The following SFXN1 variants were observed in gnomAD, a reference collection of about 807,000 sequenced individuals.
SFXN1 encodes sideroflexin-1.
Under a neutral mutation model 39.5 loss-of-function variants are expected in SFXN1, and 32 were observed. The observed-to-expected ratio is 0.81, with a 90% confidence interval of 0.61 to 1.09. SFXN1 has a LOEUF of 1.09. Ranked by LOEUF, SFXN1 falls within the 50% of genes least tolerant of loss-of-function variation. The pLI is 0.00. For synonymous variants in SFXN1, 136 were observed against 146.5 expected, an observed-to-expected ratio of 0.93 and a Z score of 0.52; for missense variants, 402 against 407.1, an observed-to-expected ratio of 0.99 and a Z score of 0.11.
intron 1 of SFXN1, among the ~76,000 whole-genome samples, chr5:175,485,455 A>G (rs1311691325): frequency 2.0e-5 from 3 of 151,972 alleles, no homozygotes; most frequent in African/African-American, 7.3e-5. Flanking sequence ...TTGTTCCCAC[A>G]TCTGTTTCTC....
intron 10 of SFXN1, chr5:175,524,192 T>C (rs1760990885): frequency 6.9e-6 from 1 of 145,066 alleles, no homozygotes; most frequent in Non-Finnish European, 1.5e-5. Context: ...TTACATCTTA[T>C]AGGCTCCTCC....
intron 1 of SFXN1, among the ~76,000 whole-genome samples, chr5:175,484,516 A>G (rs34427898): frequency 0.086 from 13,087 of 152,260 alleles, 1,025 homozygotes; most frequent in African/African-American, 0.21. Flanking sequence ...CTGCGGACCA[A>G]CCAAGTGGCC....
chr5:175,487,441 G>A (rs1356506492), intron 1 of SFXN1, among the ~76,000 whole-genome samples: 2 of 152,110 alleles, frequency 1.3e-5, no homozygotes, highest in African/African-American at 2.4e-5. Context: ...AAATGGAAGT[G>A]ACCGGCTACC....
At chr5:175,516,507 G>T in intron 7 of SFXN1, 107 bp from the exon 8 acceptor site, 1 of 915,520 alleles carries the variant, frequency 1.1e-6, no homozygotes, top group South Asian at 1.6e-5. Context: ...TGTGACAGTG[G>T]AAATAGCCTA....
At chr5:175,509,748 G>T (rs915408344) in intron 3 of SFXN1, among the ~76,000 whole-genome samples, 1 of 152,162 alleles carries the variant, frequency 6.6e-6, no homozygotes, top group African/African-American at 2.4e-5. Context: ...ATATAGCATT[G>T]CAAGTGCTGT....
At chr5:175,503,121 G>C (rs1393788525) in intron 2 of SFXN1, among the ~76,000 whole-genome samples, 1 of 152,096 alleles carries the variant, frequency 6.6e-6, no homozygotes, top group Non-Finnish European at 1.5e-5. Context: ...TTGGAGACAT[G>C]GAAATATCCT....
At chr5:175,493,122 G>A (rs6859035) in intron 2 of SFXN1, among the ~76,000 whole-genome samples, 3,590 of 152,026 alleles carry the variant, frequency 0.024, 146 homozygotes, top group African/African-American at 0.082. Flanking sequence ...GCATGGTGGC[G>A]GGCGCCTGTA....
At chr5:175,508,799 G>T (rs888686130) in intron 2 of SFXN1, among the ~76,000 whole-genome samples, 1 of 151,680 alleles carries the variant, frequency 6.6e-6, no homozygotes, top group Non-Finnish European at 1.5e-5. Flanking sequence ...CACCGCACCC[G>T]GCTAATTTTT....
Position 175,524,118 on chromosome 5 carries a change from AAAAAAAAATATATATATATATATATAT to A in SFXN1, c.872+1698_872+1724del, listed in dbSNP as rs1187690907. The A allele has an allele frequency of 5.0e-4, 33 of 66,584 alleles. 1 individual carries two copies. Among genetic ancestry groups the A allele is most frequent in the South Asian group, 3.1e-3 (5 of 1,638 alleles). The allele number at this position is 66,584 out of a possible 1,614,324, so 4.1% of individuals were successfully genotyped here. ...GATTCTGTCTCAAAAAAAAAAAAAA[AAAAAAAAATATATATATATATATATAT>A]ATATATATATATATATATATATATA... On this transcript the variant is annotated intron_variant, in intron 10 of 10. Coordinates refer to ENST00000321442, the MANE Select transcript of SFXN1 (RefSeq NM_022754.7).
intron 1 of SFXN1, among the ~76,000 whole-genome samples, chr5:175,488,535 G>A (rs1759536214): frequency 6.6e-6 from 1 of 152,094 alleles, no homozygotes; most frequent in Non-Finnish European, 1.5e-5. Flanking sequence ...CTGACCTCAG[G>A]TGATCCGCCC....
At chr5:175,485,287 CT>C (rs1759408890) in intron 1 of SFXN1, among the ~76,000 whole-genome samples, 1 of 152,210 alleles carries the variant, frequency 6.6e-6, no homozygotes, top group Admixed American at 6.5e-5. Context: ...ATTTGAGTAG[CT>C]TAAAGCAACA....
chr5:175,500,187 CA>C (rs577317552), intron 2 of SFXN1, among the ~76,000 whole-genome samples: 48 of 150,098 alleles, frequency 3.2e-4, no homozygotes, highest in Non-Finnish European at 5.0e-4. Flanking sequence ...AACTCTGTCT[CA>C]AAAAAAAGAA....
At chr5:175,524,095 T>G (rs894886721) in intron 10 of SFXN1, 1 of 106,424 alleles carries the variant, frequency 9.4e-6, no homozygotes, top group Non-Finnish European at 1.8e-5. Flanking sequence ...CAGTGCGAGA[T>G]TCTGTCTCAA....
chr5:175,491,738 C>T (rs1561655727), intron 1 of SFXN1: 2 of 159,932 alleles, frequency 1.3e-5, no homozygotes, highest in Non-Finnish European at 1.4e-5. Context: ...CTTCCCTCCT[C>T]GACCTCCCAA....
intron 6 of SFXN1, among the ~76,000 whole-genome samples, chr5:175,512,945 A>T (rs1581314104): frequency 6.6e-6 from 1 of 152,276 alleles, no homozygotes; most frequent in Non-Finnish European, 1.5e-5. Context: ...TTAAAAGTTT[A>T]CTAGTGTTGT....
intron 10 of SFXN1, 43 bp from the exon 11 acceptor site, chr5:175,526,594 AC>A: frequency 1.3e-6 from 2 of 1,525,798 alleles, no homozygotes; most frequent in South Asian, 2.2e-5. Context: ...CCTGATTCTC[AC>A]CTCTGCCTGT....
intron 8 of SFXN1, among the ~76,000 whole-genome samples, chr5:175,519,169 T>A (rs1473425530): frequency 1.3e-5 from 2 of 152,192 alleles, no homozygotes; most frequent in African/African-American, 4.8e-5. Flanking sequence ...TAAATGCCTA[T>A]TAGAATGTCA....
chr5:175,507,627 C>T (rs1321289395), intron 2 of SFXN1, among the ~76,000 whole-genome samples: 2 of 152,270 alleles, frequency 1.3e-5, no homozygotes, highest in African/African-American at 4.8e-5. Context: ...ATACGTGCTT[C>T]TTTGATAAAG....
At chr5:175,497,788 G>A (rs115173316) in intron 2 of SFXN1, among the ~76,000 whole-genome samples, 3,594 of 152,128 alleles carry the variant, frequency 0.024, 127 homozygotes, top group African/African-American at 0.082. Flanking sequence ...AAGTTAGCTG[G>A]GTGAGGTGGC....
Sources: gnomAD v4.1 joint callset for allele counts (sites outside exome capture counted in the v4.1 genomes callset) on GRCh38, gnomAD v4.1.1 for gene constraint, MANE v1.5 for transcripts, NCBI Gene and HGNC (gene_info 2026-07-23, HGNC 2026-07-21) for gene names.